The following EXOC6B variants were observed in gnomAD, a reference collection of about 807,000 sequenced individuals.
EXOC6B encodes the protein SEC15 homolog B.
A neutral mutation model predicts 113.5 loss-of-function variants in EXOC6B; 54 were observed. That is an observed-to-expected ratio of 0.48 (90% confidence interval 0.38 to 0.60). The LOEUF (loss-of-function observed/expected upper bound fraction) is 0.60, where lower values mean the gene tolerates loss of function less well. Ranked by LOEUF, EXOC6B falls within the 20% of genes least tolerant of loss-of-function variation. The pLI, the probability that EXOC6B is intolerant of heterozygous loss-of-function variation, is 0.00. For synonymous variants in EXOC6B, 357 were observed against 339.0 expected (o/e 1.05, Z -0.58); for missense variants, 797 against 977.5 (o/e 0.82, Z 2.46).
chr2:72,382,745 G>A (rs1691765160), intron 18 of EXOC6B, among the ~76,000 whole-genome samples: 1 of 151,946 alleles, frequency 6.6e-6, no homozygotes. Context: ...GCTCTTTCAT[G>A]TCCATGGTTA....
At chr2:72,269,168 T>A (rs1002067485) in intron 20 of EXOC6B, among the ~76,000 whole-genome samples, 20 of 152,108 alleles carry the variant, frequency 1.3e-4, no homozygotes, top group Non-Finnish European at 2.6e-4. Flanking sequence ...TTACTAACTC[T>A]ACAGATTTCT....
intron 20 of EXOC6B, among the ~76,000 whole-genome samples, chr2:72,214,536 C>A (rs145532791): frequency 6.6e-6 from 1 of 151,490 alleles, no homozygotes; most frequent in African/African-American, 2.4e-5. Flanking sequence ...ATTGTGGTAA[C>A]CCAAGCCCCT....
chr2:72,493,231 A>C (rs1463153288), intron 15 of EXOC6B, among the ~76,000 whole-genome samples: 1 of 150,846 alleles, frequency 6.6e-6, no homozygotes, highest in East Asian at 1.9e-4. Context: ...CAGTCCCATC[A>C]TGGTTTTCGG....
intron 1 of EXOC6B, among the ~76,000 whole-genome samples, chr2:72,774,018 T>C (rs1382395624): frequency 1.3e-5 from 2 of 152,228 alleles, no homozygotes; most frequent in Non-Finnish European, 2.9e-5. Context: ...TAAAACCCAT[T>C]AGTCTATGTT....
intron 20 of EXOC6B, among the ~76,000 whole-genome samples, chr2:72,189,331 C>T (rs969555044): frequency 6.6e-6 from 1 of 152,126 alleles, no homozygotes; most frequent in African/African-American, 2.4e-5. Context: ...TTGTAAGATT[C>T]AAGACTGAAT....
chr2:72,711,651 T>C (rs569761283), intron 6 of EXOC6B, among the ~76,000 whole-genome samples: 5 of 151,994 alleles, frequency 3.3e-5, no homozygotes, highest in Non-Finnish European at 7.4e-5. Flanking sequence ...AATGATAAAA[T>C]AGAACAATTA....
chr2:72,794,224 C>T (rs1483632577), intron 1 of EXOC6B, among the ~76,000 whole-genome samples: 2 of 152,138 alleles, frequency 1.3e-5, no homozygotes, highest in African/African-American at 4.8e-5. Flanking sequence ...TTTTTCGAAA[C>T]CACTGTTTCT....
chr2:72,371,201 T>C (rs1369923884), intron 19 of EXOC6B, among the ~76,000 whole-genome samples: 1 of 151,894 alleles, frequency 6.6e-6, no homozygotes, highest in Non-Finnish European at 1.5e-5. Flanking sequence ...ATTGAAACCA[T>C]AATAAAAAGT....
chr2:72,755,806 G>A (rs1682376152), intron 1 of EXOC6B, among the ~76,000 whole-genome samples: 1 of 152,110 alleles, frequency 6.6e-6, no homozygotes, highest in Admixed American at 6.6e-5. Flanking sequence ...TGATGTTTCT[G>A]GCCCTTGTTG....
chr2:72,545,832 T>C (rs1702867163), intron 8 of EXOC6B, among the ~76,000 whole-genome samples: 1 of 152,212 alleles, frequency 6.6e-6, no homozygotes, highest in Admixed American at 6.5e-5. Context: ...TCTTGAGTTA[T>C]TTATTTCCCA....
rs182231586 is a variant in EXOC6B, at chr2:72,641,237, G to C, written c.670-65569C>G. Among the ~76,000 whole-genome samples, 1,217 of 152,328 alleles carry C rather than the reference G, an allele frequency of 8.0e-3. 14 individuals are homozygous for C. The highest frequency in any genetic ancestry group is 0.012 in the Non-Finnish European group (792 of 68,024). On this transcript the variant is annotated intron_variant, in intron 6 of 21. Transcript: ENST00000272427. The stretch of plus-strand genomic sequence containing the variant: ...TTGGACAGTGGGTGCAGCTCAGAGA[G>C]GGCGAGCTGAAGCAGGGCGGGGCAT...
chr2:72,732,877 C>G (rs150661700), intron 3 of EXOC6B, among the ~76,000 whole-genome samples, 194 bp downstream of exon 3: 116 of 152,272 alleles, frequency 7.6e-4, no homozygotes, highest in African/African-American at 2.6e-3. Context: ...AACTAAGAAG[C>G]CTGTATCCTG....
chr2:72,397,626 AAAAT>A (rs1558625617), intron 18 of EXOC6B, among the ~76,000 whole-genome samples: 5 of 131,640 alleles, frequency 3.8e-5, no homozygotes, highest in Admixed American at 7.3e-5. Context: ...TCAAAAAAAA[AAAAT>A]AAAATAAAAT....
In EXOC6B at chr2:72,179,432, A is replaced by G; in HGVS notation, c.2339T>C (p.Met780Thr). 1 of 1,613,908 alleles carries G rather than the reference A, an allele frequency of 6.2e-7. No homozygotes were observed. Among genetic ancestry groups the G allele is most frequent in the Non-Finnish European group, 8.5e-7 (1 of 1,179,882 alleles). The change falls in exon 22 of 22, where the codon ATG (methionine) becomes ACG (threonine). Residue 780 changes from methionine (M) to threonine (T), a missense_variant. Met to Thr is a moderately conservative substitution (Grantham distance 81, BLOSUM62 -1). Transcript: ENST00000272427. Reference sequence around the variant, plus strand: ...CTCATTTTTCCGAAACTGTGCAAACATGTTGTTCTTGCGGCTAGTATCCTT... The same window carrying G: ...CTCATTTTTCCGAAACTGTGCAAACGTGTTGTTCTTGCGGCTAGTATCCTT... ...KMKDTSRKNN[M>T]FAQFRKNERD...
At chr2:72,728,804 T>G (rs1170033504) in intron 5 of EXOC6B, among the ~76,000 whole-genome samples, 2 of 152,144 alleles carry the variant, frequency 1.3e-5, no homozygotes, top group African/African-American at 4.8e-5. Context: ...AATATTACCT[T>G]GCACCAAAGG....
chr2:72,713,561 T>A (rs971968026), intron 6 of EXOC6B, among the ~76,000 whole-genome samples: 3 of 152,050 alleles, frequency 2.0e-5, no homozygotes, highest in African/African-American at 7.2e-5. Flanking sequence ...TAGGTATATC[T>A]CCTAAAGCTA....
intron 1 of EXOC6B, among the ~76,000 whole-genome samples, chr2:72,752,293 T>C (rs940164223): frequency 2.0e-5 from 3 of 152,148 alleles, no homozygotes; most frequent in Admixed American, 1.3e-4. Context: ...TTCCTTCTTA[T>C]CTCTATGAAA....
intron 8 of EXOC6B, among the ~76,000 whole-genome samples, chr2:72,535,642 G>A (rs1382131838): frequency 1.3e-5 from 2 of 152,050 alleles, no homozygotes; most frequent in African/African-American, 4.8e-5. Context: ...GGAGGCTGAG[G>A]CAGGCGGATC....
intron 6 of EXOC6B, among the ~76,000 whole-genome samples, chr2:72,686,110 C>A (rs1484651907): frequency 6.6e-6 from 1 of 152,188 alleles, no homozygotes; most frequent in Non-Finnish European, 1.5e-5. Context: ...CTTGATAATT[C>A]CCTTTTTTTT....
Sources: gnomAD v4.1 joint callset for allele counts (sites outside exome capture counted in the v4.1 genomes callset) on GRCh38, gnomAD v4.1.1 for gene constraint, MANE v1.5 for transcripts, NCBI Gene and HGNC (gene_info 2026-07-23, HGNC 2026-07-21) for gene names.